GRM5: variants seen among roughly 807,000 people sequenced by gnomAD.
GRM5 encodes metabotropic glutamate receptor 5.
A neutral mutation model predicts 83.1 loss-of-function variants in GRM5; 19 were observed. That is an observed-to-expected ratio of 0.23 (90% confidence interval 0.16 to 0.34). The LOEUF (loss-of-function observed/expected upper bound fraction) is 0.34, where lower values mean the gene tolerates loss of function less well. Ranked by LOEUF, GRM5 falls within the 10% of genes least tolerant of loss-of-function variation. The probability of loss-of-function intolerance (pLI) is 1.00; values close to 1 mark genes in which losing one functional copy is unlikely to be tolerated. For missense variants in GRM5, 1,160 were observed against 1,588.3 expected (o/e 0.73, Z 4.58); for synonymous variants, 675 against 633.6 (o/e 1.07, Z -0.98).
At chr11:89,058,081 A>C (rs1179912001) in intron 1 of GRM5, among the ~76,000 whole-genome samples, 1 of 152,142 alleles carries the variant, frequency 6.6e-6, no homozygotes, top group Non-Finnish European at 1.5e-5. Context: ...AGGTCTCCCC[A>C]CAAAAAAAAA....
chr11:88,559,492 A>G (rs1321335682), intron 8 of GRM5, among the ~76,000 whole-genome samples: 2 of 152,222 alleles, frequency 1.3e-5, no homozygotes, highest in African/African-American at 4.8e-5. Context: ...TCATGTGTAC[A>G]ATAAATGAGC....
intron 3 of GRM5, among the ~76,000 whole-genome samples, chr11:88,802,939 C>T (rs567467980): frequency 6.6e-6 from 1 of 150,696 alleles, no homozygotes; most frequent in Non-Finnish European, 1.5e-5. Flanking sequence ...TTCACAATTG[C>T]TTCAAAGAGA....
intron 4 of GRM5, among the ~76,000 whole-genome samples, chr11:88,607,945 G>C (rs1938204403): frequency 6.6e-6 from 1 of 152,224 alleles, no homozygotes; most frequent in Non-Finnish European, 1.5e-5. Flanking sequence ...GGCTAGAAGA[G>C]CCTAGGCTCT....
chr11:88,881,436 ATCT>A (rs1645082958), intron 2 of GRM5, among the ~76,000 whole-genome samples: 2 of 152,024 alleles, frequency 1.3e-5, no homozygotes, highest in African/African-American at 2.4e-5. Flanking sequence ...AAAGATAAAC[ATCT>A]TCTGCGATAA....
At chr11:88,793,085 A>C (rs556577041) in intron 3 of GRM5, among the ~76,000 whole-genome samples, 2 of 152,198 alleles carry the variant, frequency 1.3e-5, no homozygotes, top group South Asian at 4.1e-4. Flanking sequence ...GTTACAGATT[A>C]TACCCTTCTG....
chr11:88,570,571 A>ATATATATATATATATATTTTTTTT (rs1405339448), intron 7 of GRM5, among the ~76,000 whole-genome samples: 3 of 46,378 alleles, frequency 6.5e-5, no homozygotes, highest in African/African-American at 2.7e-4. Flanking sequence ...ATATATATAT[A>ATATATATATATATATATTTTTTTT]TTTTTTTTTT....
intron 2 of GRM5, among the ~76,000 whole-genome samples, chr11:88,995,538 C>A (rs1405130456): frequency 2.6e-5 from 3 of 117,276 alleles, no homozygotes; most frequent in Non-Finnish European, 4.9e-5. Flanking sequence ...GAGCGAGACT[C>A]CATCTCAAAA....
chr11:88,746,570 C>CAAAAAA (rs11302390), intron 3 of GRM5, among the ~76,000 whole-genome samples: 1 of 147,610 alleles, frequency 6.8e-6, no homozygotes, highest in East Asian at 2.0e-4. Flanking sequence ...ATTCTGGAGA[C>CAAAAAA]AAAAAAAAAA....
chr11:88,919,806 G>T (rs962404074), intron 2 of GRM5, among the ~76,000 whole-genome samples: 2 of 151,860 alleles, frequency 1.3e-5, no homozygotes, highest in Non-Finnish European at 2.9e-5. Flanking sequence ...TGACCAGTGG[G>T]CCCATGAATA....
At chr11:88,548,585 TTTAA>T (rs1485689412) in intron 8 of GRM5, among the ~76,000 whole-genome samples, 1 of 152,174 alleles carries the variant, frequency 6.6e-6, no homozygotes, top group Non-Finnish European at 1.5e-5. Context: ...AGCCAAACCA[TTTAA>T]TTAATCACTA....
At position 88,966,267 on chromosome 11, in the gene GRM5, C is replaced by T. The variant is rs183896043; in HGVS notation, c.661+80945G>A. On this transcript the variant is annotated intron_variant, in intron 2 of 9. Transcript: ENST00000305447. ...AGAGAGAATGCTATAGCATTAAATG[C>T]TTATGAAAGAATAAAGACCTTAAAT... Among the ~76,000 whole-genome samples the T allele has an allele frequency of 6.3e-3, 952 of 151,978 alleles. 10 individuals are homozygous for T. Among genetic ancestry groups the T allele is most frequent in the African/African-American group, 0.022 (897 of 41,490 alleles).
rs141761665 is a variant in GRM5, at chr11:89,025,140, T to C, written c.661+22072A>G. Among the ~76,000 whole-genome samples, 66 of 152,144 alleles carry C rather than the reference T, an allele frequency of 4.3e-4. No individual in the cohort carries two copies. The East Asian group carries it at 0.012, about 27-fold the overall frequency. On this transcript the variant is annotated intron_variant, in intron 2 of 9. Coordinates refer to ENST00000305447, the MANE Select transcript of GRM5 (RefSeq NM_001143831.3). ...ATGTGAGGATGTGGGAGTACTGGCATAAGGAAAAAAATGTTATGAACCATC... is the reference window on the plus strand; with the variant it reads ...ATGTGAGGATGTGGGAGTACTGGCACAAGGAAAAAAATGTTATGAACCATC...
intron 2 of GRM5, among the ~76,000 whole-genome samples, chr11:89,002,239 TTAAA>T (rs1359025471): frequency 6.6e-6 from 1 of 152,186 alleles, no homozygotes; most frequent in Non-Finnish European, 1.5e-5. Context: ...GGATTATGCT[TTAAA>T]TAAAGTCATA....
chr11:89,015,635 T>C (rs1361529856), intron 2 of GRM5, among the ~76,000 whole-genome samples: 1 of 152,210 alleles, frequency 6.6e-6, no homozygotes, highest in African/African-American at 2.4e-5. Flanking sequence ...CTTTATTCTG[T>C]GTGTGTTTTA....
intron 6 of GRM5, among the ~76,000 whole-genome samples, chr11:88,593,673 T>C (rs994926493): frequency 7.5e-6 from 1 of 133,280 alleles, no homozygotes; most frequent in Non-Finnish European, 1.5e-5. Flanking sequence ...CAAGACTCCG[T>C]CTCAAAAAAA....
intron 2 of GRM5, among the ~76,000 whole-genome samples, chr11:88,891,765 A>G (rs574820088): frequency 2.0e-5 from 3 of 152,222 alleles, no homozygotes; most frequent in Admixed American, 1.3e-4. Flanking sequence ...TAATCAAGCT[A>G]TAAGACTTTA....
At chr11:88,993,959 T>C (rs1940084190) in intron 2 of GRM5, among the ~76,000 whole-genome samples, 1 of 152,090 alleles carries the variant, frequency 6.6e-6, no homozygotes, top group Admixed American at 6.6e-5. Context: ...CTCAAGCAAC[T>C]CTCTCGCTTT....
At chr11:89,024,909 A>T (rs905964917) in intron 2 of GRM5, among the ~76,000 whole-genome samples, 2 of 152,160 alleles carry the variant, frequency 1.3e-5, no homozygotes, top group Admixed American at 6.5e-5. Context: ...ATCTCAAAGG[A>T]CAGGTAATCA....
chr11:88,616,166 A>G (rs1938474690), intron 4 of GRM5, among the ~76,000 whole-genome samples: 1 of 152,204 alleles, frequency 6.6e-6, no homozygotes, highest in Non-Finnish European at 1.5e-5. Flanking sequence ...AAATTGATTT[A>G]TGGTACCTGG....
Sources: gnomAD v4.1 joint callset for allele counts (sites outside exome capture counted in the v4.1 genomes callset) on GRCh38, gnomAD v4.1.1 for gene constraint, MANE v1.5 for transcripts, NCBI Gene and HGNC (gene_info 2026-07-23, HGNC 2026-07-21) for gene names.